The following MBP variants were observed in gnomAD, a reference collection of about 807,000 sequenced individuals.
MBP encodes the protein myelin basic protein.
MBP carries 16 observed loss-of-function variants against 35.8 expected under a neutral mutation model. The observed-to-expected ratio is 0.45, with a 90% CI of 0.30 to 0.68. The LOEUF (loss-of-function observed/expected upper bound fraction) is 0.68. MBP is among the 30% of genes least tolerant of loss of function. The probability of loss-of-function intolerance (pLI) is 0.08; values close to 1 mark genes in which losing one functional copy is unlikely to be tolerated. For missense variants in MBP, 380 were observed against 404.7 expected (o/e 0.94, Z 0.52); for synonymous variants, 143 against 159.6 (o/e 0.90, Z 0.78).
At chr18:77,055,403 G>A (rs777513321) in intron 3 of MBP, among the ~76,000 whole-genome samples, 3 of 152,196 alleles carry the variant, frequency 2.0e-5, no homozygotes, top group Non-Finnish European at 2.9e-5. Context: ...TGACCCAGGA[G>A]GTGCATGGGT....
At chr18:77,012,976 A>G in intron 4 of MBP, 1 of 985,430 alleles carries the variant, frequency 1.0e-6, no homozygotes, top group Non-Finnish European at 1.2e-6. Flanking sequence ...GTACAGACAC[A>G]TCCAGTCTAA....
chr18:77,061,033 T>A (rs1331221435), intron 3 of MBP, among the ~76,000 whole-genome samples: 3 of 152,192 alleles, frequency 2.0e-5, no homozygotes, highest in Non-Finnish European at 2.9e-5. Flanking sequence ...TGGAACTTTG[T>A]GCTATGAAAT....
intron 4 of MBP, chr18:77,015,205 A>C: frequency 1.0e-6 from 1 of 985,372 alleles, no homozygotes. Flanking sequence ...CACTCACATG[A>C]AGCTTATTTT....
At chr18:77,069,010 G>A (rs58228302) in intron 2 of MBP, 27,021 of 484,126 alleles carry the variant, frequency 0.056, 1,020 homozygotes, top group South Asian at 0.11. Context: ...ATGGCTTCCA[G>A]GCTCCCAGCA....
At chr18:77,041,209 A>G (rs993922908) in intron 3 of MBP, among the ~76,000 whole-genome samples, 1 of 152,260 alleles carries the variant, frequency 6.6e-6, no homozygotes, top group African/African-American at 2.4e-5. Flanking sequence ...AGAGAAATGC[A>G]AATCAAAACC....
chr18:77,037,767 A>T (rs1778723986), intron 3 of MBP, among the ~76,000 whole-genome samples: 1 of 152,222 alleles, frequency 6.6e-6, no homozygotes, highest in Non-Finnish European at 1.5e-5. Flanking sequence ...CGCCTGGAGT[A>T]CATCGCTGCT....
intron 4 of MBP, chr18:76,990,726 T>A (rs965238409): frequency 5.6e-6 from 1 of 178,804 alleles, no homozygotes; most frequent in Non-Finnish European, 1.2e-5. Flanking sequence ...TGTGCTTGTT[T>A]GTGTGTGCGT....
chr18:77,126,079 C>A (rs1977039024), intron 1 of MBP, among the ~76,000 whole-genome samples: 1 of 152,160 alleles, frequency 6.6e-6, no homozygotes, highest in Non-Finnish European at 1.5e-5. Flanking sequence ...TTTTATGAGG[C>A]CAGTTATCCT....
chr18:77,001,776 G>A (rs1214329798), intron 4 of MBP, among the ~76,000 whole-genome samples: 1 of 152,112 alleles, frequency 6.6e-6, no homozygotes, highest in Middle Eastern at 3.2e-3. Context: ...CCTGAACCTG[G>A]GAGGCGGAGG....
At chr18:77,004,981 G>A (rs1404142956) in intron 4 of MBP, 2 of 152,232 alleles carry the variant, frequency 1.3e-5, no homozygotes, top group Admixed American at 6.5e-5. Context: ...TACAGGGGTC[G>A]GTATCAGAGA....
Position 77,101,755 on chromosome 18 carries a change from C to G in MBP, c.51+3456G>C, listed in dbSNP as rs1306873437. 6.6e-6 allele frequency among the ~76,000 whole-genome samples: 1 copy of G among 152,122 alleles called. No individual in the cohort carries two copies. The highest frequency in any genetic ancestry group is 1.9e-4 in the East Asian group (1 of 5,192). On this transcript the variant is annotated intron_variant, in intron 2 of 8. Transcript: ENST00000355994. The surrounding 1 kb of genome is among the most constrained non-coding windows in gnomAD (Gnocchi z 4.3). ...TGGCTTATTCGGGATGAGAGAGAAG[C>G]AAATTTCAAAGCCCTGAGTCACTGA...
intron 3 of MBP, among the ~76,000 whole-genome samples, chr18:77,025,969 C>A (rs145360878): frequency 6.6e-6 from 1 of 152,310 alleles, no homozygotes; most frequent in Non-Finnish European, 1.5e-5. Flanking sequence ...CCATGCCCTG[C>A]GGCACCGTGA....
At chr18:77,093,745 C>T (rs1975637106) in intron 2 of MBP, among the ~76,000 whole-genome samples, 1 of 152,246 alleles carries the variant, frequency 6.6e-6, no homozygotes, top group Non-Finnish European at 1.5e-5. Context: ...ACAACATTCA[C>T]AAGAAATTCC....
rs1368536393 is a variant in MBP, at chr18:77,055,097, A to C, written c.139+11201T>G. 2.0e-5 allele frequency among the ~76,000 whole-genome samples: 3 copies of C among 152,262 alleles called. No homozygotes were observed. In the East Asian group the frequency reaches 5.8e-4, roughly 29 times the overall value. On this transcript the variant is annotated intron_variant, in intron 3 of 8. Transcript: ENST00000355994. ...AGAAGGGAACCTTCTGGGCACGCAC[A>C]TCGTGGATGGAGACAGAGGAACGGC...
intron 2 of MBP, among the ~76,000 whole-genome samples, chr18:77,091,905 T>G (rs1975545120): frequency 1.3e-5 from 2 of 152,162 alleles, no homozygotes; most frequent in Admixed American, 1.3e-4. Flanking sequence ...AACACAGAGA[T>G]ATAATTTTTC....
chr18:77,086,172 A>G (rs767424367), intron 2 of MBP, among the ~76,000 whole-genome samples: 3 of 152,256 alleles, frequency 2.0e-5, no homozygotes, highest in Non-Finnish European at 2.9e-5. Context: ...GTGATCAGAA[A>G]GATGAATCAT....
chr18:77,073,051 T>C (rs899115501), intron 2 of MBP, among the ~76,000 whole-genome samples: 7 of 152,226 alleles, frequency 4.6e-5, no homozygotes, highest in Non-Finnish European at 1.5e-5. Context: ...GGATTTCTAA[T>C]GAAACTTTAG....
intron 4 of MBP, chr18:77,010,104 GGATGATGGAAGGAAGAGCAAGA>G: frequency 1.7e-6 from 1 of 604,114 alleles, no homozygotes; most frequent in Non-Finnish European, 3.0e-6. Context: ...TGCAGATGAT[GGATGATGGAAGGAAGAGCAAGA>G]GGTGATGGGA....
intron 2 of MBP, among the ~76,000 whole-genome samples, chr18:77,100,419 T>C (rs945889320): frequency 6.6e-6 from 1 of 152,036 alleles, no homozygotes; most frequent in Admixed American, 6.5e-5. Context: ...CAAGAACTCA[T>C]ACAACATACA....
Sources: gnomAD v4.1 joint callset for allele counts (sites outside exome capture counted in the v4.1 genomes callset) on GRCh38, gnomAD v4.1.1 for gene constraint, Gnocchi (gnomAD v3.1) non-coding constraint, MANE v1.5 for transcripts, NCBI Gene and HGNC (gene_info 2026-07-23, HGNC 2026-07-21) for gene names.